The following COL6A5 variants were observed in gnomAD, a reference collection of about 807,000 sequenced individuals.
COL6A5 encodes the protein collagen alpha-5(VI) chain.
Under a neutral mutation model 65.6 loss-of-function variants are expected in COL6A5, and 48 were observed. The ratio of observed to expected loss-of-function variants is 0.73; its 90% confidence interval spans 0.58 to 0.93. COL6A5 has a LOEUF of 0.93. COL6A5 is among the 40% of genes least tolerant of loss of function. The pLI is 0.00. For synonymous variants in COL6A5, 291 were observed against 322.8 expected, an observed-to-expected ratio of 0.90 and a Z score of 1.05; for missense variants, 914 against 928.3, an observed-to-expected ratio of 0.98 and a Z score of 0.20.
In COL6A5 at chr3:130,414,049, TG is replaced by T; in HGVS notation, c.4699-18del. 6.7e-7 allele frequency: 1 copy of T among 1,484,830 alleles called. No individual in the cohort carries two copies. The highest frequency in any genetic ancestry group is 9.2e-7 in the Non-Finnish European group (1 of 1,089,540). The allele number at this position is 1,484,830 out of a possible 1,614,324, so 92.0% of individuals were successfully genotyped here. ...AACAACGTGTAGAAATGCTTGACAC[TG>T]GAAACTCTTGTTCATCAGGGAGAAC... On this transcript the variant is annotated intron_variant and NMD_transcript_variant, in intron 21 of 41. Transcript: ENST00000312481.
At chr3:130,458,251 C>T (rs1331033539) in intron 5 of COL6A5, among the ~76,000 whole-genome samples, 1 of 152,104 alleles carries the variant, frequency 6.6e-6, no homozygotes, top group East Asian at 1.9e-4. Flanking sequence ...TATCTGGAAG[C>T]TCATTATAAG....
chr3:130,434,202 C>T (rs938694332), intron 1 of COL6A5, among the ~76,000 whole-genome samples: 2 of 152,162 alleles, frequency 1.3e-5, no homozygotes, highest in Non-Finnish European at 2.9e-5. Context: ...GTTTTCTGTT[C>T]CTGTGTTAGT....
intron 7 of COL6A5, among the ~76,000 whole-genome samples, chr3:130,392,434 G>A (rs1296299441): frequency 1.3e-5 from 2 of 152,146 alleles, no homozygotes; most frequent in Non-Finnish European, 2.9e-5. Context: ...CTTGCCACTT[G>A]TGGTCTTAAA....
chr3:130,455,891 T>G (rs937059515), intron 5 of COL6A5, among the ~76,000 whole-genome samples: 5 of 152,144 alleles, frequency 3.3e-5, no homozygotes, highest in African/African-American at 4.8e-5. Flanking sequence ...TCCCTGATAT[T>G]CTTACCAAGC....
Position 130,468,717 on chromosome 3 carries a change from G to A in COL6A5, c.1545-78G>A, listed in dbSNP as rs113127151. 6,935 of 931,078 alleles carry A rather than the reference G, an allele frequency of 7.4e-3. 193 individuals carry two copies. The highest frequency in any genetic ancestry group is 0.067 in the African/African-American group (4,023 of 60,362). 57.7% of individuals were successfully genotyped at this position (931,078 alleles called of 1,614,324 possible). On this transcript the variant is annotated intron_variant, in intron 5 of 7. Transcript: ENST00000512836. ...TGCAGCATGGTAATAACCTCATGCT[G>A]TGTATTTGCCATCTATGACTAGGAG...
At chr3:130,405,656 G>C (rs1936962444) in exon 14 of COL6A5, 2 of 1,548,398 alleles carry the variant, frequency 1.3e-6, no homozygotes, top group Admixed American at 2.0e-5. Context: ...CGTGGGGTCA[G>C]AAGGTAAGGC....
At chr3:130,364,000 A>T (rs767756174) in intron 1 of COL6A5, among the ~76,000 whole-genome samples, 1 of 152,054 alleles carries the variant, frequency 6.6e-6, no homozygotes, top group Non-Finnish European at 1.5e-5. Context: ...TTAGTTTTTC[A>T]CTTGTTTTTA....
intron 7 of COL6A5, among the ~76,000 whole-genome samples, chr3:130,475,007 C>CAAAAAAAAAAAAAAAAAAAAAA (rs57263258): frequency 1.5e-5 from 1 of 65,054 alleles, no homozygotes; most frequent in Non-Finnish European, 2.6e-5. Flanking sequence ...ACCATGTCTC[C>CAAAAAAAAAAAAAAAAAAAAAA]AAAAAAAAAA....
intron 6 of COL6A5, among the ~76,000 whole-genome samples, chr3:130,389,971 C>T (rs1013113905): frequency 6.6e-6 from 1 of 152,038 alleles, no homozygotes; most frequent in African/African-American, 2.4e-5. Context: ...GGACTTTATT[C>T]GTCAAAATTA....
exon 6 of COL6A5, chr3:130,469,182 C>G: frequency 6.2e-7 from 1 of 1,613,200 alleles, no homozygotes; most frequent in Non-Finnish European, 8.5e-7. Context: ...TTGCAGTGGA[C>G]AATTGACAAT....
chr3:130,390,094 A>G (rs373196552), intron 6 of COL6A5, among the ~76,000 whole-genome samples: 1 of 152,204 alleles, frequency 6.6e-6, no homozygotes, highest in African/African-American at 2.4e-5. Context: ...TTCTTCCCCC[A>G]AAGATGGCAG....
chr3:130,460,924 G>T (rs1030491882), intron 5 of COL6A5, among the ~76,000 whole-genome samples: 21 of 151,836 alleles, frequency 1.4e-4, no homozygotes, highest in African/African-American at 5.1e-4. Context: ...AGTGAGAGTG[G>T]TGGTGGTGGT....
upstream of COL6A5, among the ~76,000 whole-genome samples, chr3:130,429,182 C>T (rs72982488): frequency 1.3e-5 from 2 of 152,078 alleles, no homozygotes; most frequent in Admixed American, 6.6e-5. Context: ...AATAAGACCC[C>T]GTATTTTAGC....
intron 18 of COL6A5, 59 bp downstream of exon 18, chr3:130,409,447 C>T: frequency 7.1e-7 from 1 of 1,401,794 alleles, no homozygotes; most frequent in South Asian, 1.3e-5. Flanking sequence ...GTTCCTATCT[C>T]CTTTCCCTTT....
At chr3:130,394,743 G>T (rs963967041) in intron 7 of COL6A5, 147 bp from the exon 8 acceptor site, 14 of 601,024 alleles carry the variant, frequency 2.3e-5, no homozygotes, top group Non-Finnish European at 3.7e-5. Context: ...TCTTTTTGAG[G>T]ATCAGTGATT....
At chr3:130,407,675 C>T (rs1937038604) in intron 17 of COL6A5, among the ~76,000 whole-genome samples, 1 of 152,204 alleles carries the variant, frequency 6.6e-6, no homozygotes, top group South Asian at 2.1e-4. Flanking sequence ...TTAGGTGCCT[C>T]TCTCATCTCA....
chr3:130,462,771 G>A (rs1055302654), intron 5 of COL6A5, among the ~76,000 whole-genome samples: 2 of 152,058 alleles, frequency 1.3e-5, no homozygotes, highest in African/African-American at 2.4e-5. Context: ...GGAAGAAAAC[G>A]TTCTCTGGTG....
In COL6A5 at chr3:130,376,862, T is replaced by TG. The variant is rs775678864; in HGVS notation, c.667+27dup. 16 of 1,578,356 alleles carry TG rather than the reference T, an allele frequency of 1.0e-5. 1 individual carries two copies. In the South Asian group the frequency reaches 1.8e-4, roughly 17 times the overall value. The stretch of plus-strand genomic sequence containing the variant: ...GTAAGGAAACCCTTGGTTGAAGAGG[T>TG]GCCTGATCCCCAGGTGGGTCTACAT... On this transcript the variant is annotated intron_variant and NMD_transcript_variant, in intron 3 of 41. Coordinates refer to the COL6A5 transcript ENST00000312481.
At chr3:130,391,339 T>C (rs1361947830) in exon 7 of COL6A5, 13 of 1,551,740 alleles carry the variant, frequency 8.4e-6, no homozygotes, top group Non-Finnish European at 1.1e-5. Context: ...TCAAATACTC[T>C]GACCAACCTA....
Sources: gnomAD v4.1 joint callset for allele counts (sites outside exome capture counted in the v4.1 genomes callset) on GRCh38, gnomAD v4.1.1 for gene constraint, MANE v1.5 for transcripts, NCBI Gene and HGNC (gene_info 2026-07-23, HGNC 2026-07-21) for gene names.